Variants in SLC35D4 observed in about 807,000 individuals in gnomAD.
SLC35D4 encodes the protein solute carrier family 35 member D4, also known as UDP-N-acetylglucosamine transporter SLC35D4.
the SLC35D4 span, among the ~76,000 whole-genome samples, chr18:23,254,872 T>C: frequency 1.3e-5 from 2 of 152,076 alleles, 1 homozygote; most frequent in South Asian, 4.1e-4. Flanking sequence ...CATACGAATT[T>C]GGGGGGACAC....
the SLC35D4 span, among the ~76,000 whole-genome samples, chr18:23,300,304 G>C: frequency 2.0e-5 from 3 of 152,154 alleles, no homozygotes; most frequent in Admixed American, 6.5e-5. Flanking sequence ...AAGTTCCCAG[G>C]CAATGCAGAG....
the SLC35D4 span, among the ~76,000 whole-genome samples, chr18:23,427,032 G>T: frequency 6.6e-6 from 1 of 152,186 alleles, no homozygotes; most frequent in Non-Finnish European, 1.5e-5. Context: ...ATGGATTAAA[G>T]ACTTAAATGT....
the SLC35D4 span, chr18:23,309,715 C>G: frequency 6.2e-7 from 1 of 1,614,182 alleles, no homozygotes; most frequent in East Asian, 2.2e-5. Flanking sequence ...TCGCATCAAA[C>G]AGCAATATTG....
the SLC35D4 span, among the ~76,000 whole-genome samples, chr18:23,345,021 G>A: frequency 6.6e-6 from 1 of 152,122 alleles, no homozygotes; most frequent in East Asian, 1.9e-4. Flanking sequence ...CCAAACCCAA[G>A]GCCATTAAGG....
At chr18:23,361,122 A>AAAAG in the SLC35D4 span, among the ~76,000 whole-genome samples, 2 of 143,976 alleles carry the variant, frequency 1.4e-5, no homozygotes, top group African/African-American at 5.1e-5. Context: ...AAAAAAAAAA[A>AAAAG]AAAGAAAAAG....
the SLC35D4 span, chr18:23,257,082 C>A: frequency 2.3e-6 from 2 of 862,146 alleles, no homozygotes; most frequent in Non-Finnish European, 3.5e-6. Flanking sequence ...ACAGCCTGTG[C>A]CTCCCTTTCT....
At chr18:23,250,855 G>A in the SLC35D4 span, among the ~76,000 whole-genome samples, 3 of 152,262 alleles carry the variant, frequency 2.0e-5, no homozygotes, top group Non-Finnish European at 4.4e-5. Flanking sequence ...AATTGTTGGA[G>A]TTAATATTGC....
chr18:23,368,582 G>T, the SLC35D4 span: 2 of 618,426 alleles, frequency 3.2e-6, no homozygotes, highest in Non-Finnish European at 5.5e-6. Context: ...CCTCAACTCT[G>T]TCATCTCACA....
the SLC35D4 span, among the ~76,000 whole-genome samples, chr18:23,275,588 G>A: frequency 2.0e-4 from 30 of 147,696 alleles, no homozygotes; most frequent in African/African-American, 7.2e-4. Context: ...AGCTGGGTCA[G>A]AAAGAGTGCT....
chr18:23,315,013 T>C, the SLC35D4 span, among the ~76,000 whole-genome samples: 1 of 152,092 alleles, frequency 6.6e-6, no homozygotes, highest in African/African-American at 2.4e-5. Flanking sequence ...AAGGGGAAAA[T>C]GGTGGTGGTG....
the SLC35D4 span, among the ~76,000 whole-genome samples, chr18:23,261,524 G>T: frequency 6.6e-6 from 1 of 151,974 alleles, no homozygotes; most frequent in African/African-American, 2.4e-5. Context: ...TTGGGAGGCT[G>T]AGGTGGGAGA....
chr18:23,297,975 C>T, the SLC35D4 span: 8 of 1,611,288 alleles, frequency 5.0e-6, no homozygotes, highest in Middle Eastern at 4.9e-4. Flanking sequence ...TCTCCCGCAG[C>T]AGCCTGTGAG....
the SLC35D4 span, among the ~76,000 whole-genome samples, chr18:23,248,512 CTTTTT>C: frequency 3.9e-4 from 35 of 90,724 alleles, no homozygotes; most frequent in African/African-American, 5.6e-4. Context: ...GACCCTATGT[CTTTTT>C]TTTTTTTTTT....
the SLC35D4 span, among the ~76,000 whole-genome samples, chr18:23,424,149 GAA>G: frequency 0.039 from 5,907 of 152,284 alleles, 144 homozygotes; most frequent in African/African-American, 0.073. Flanking sequence ...GATGGATGAA[GAA>G]AGTGGACAGA....
the SLC35D4 span, among the ~76,000 whole-genome samples, chr18:23,374,352 A>G: frequency 6.6e-5 from 10 of 152,208 alleles, no homozygotes; most frequent in Non-Finnish European, 1.2e-4. Flanking sequence ...ACGAGGAAAC[A>G]CTGAGACAAA....
chr18:23,279,012 CA>C, the SLC35D4 span, among the ~76,000 whole-genome samples: 6,175 of 95,972 alleles, frequency 0.064, 189 homozygotes, highest in East Asian at 0.13. Context: ...GACCCCATCT[CA>C]AAAAAAAAAA....
chr18:23,403,643 G>A, the SLC35D4 span, among the ~76,000 whole-genome samples: 1 of 152,308 alleles, frequency 6.6e-6, no homozygotes, highest in African/African-American at 2.4e-5. Flanking sequence ...GTTGGAACAG[G>A]GTTAGGGGTG....
the SLC35D4 span, chr18:23,421,549 C>A: frequency 1.1e-6 from 1 of 901,814 alleles, no homozygotes; most frequent in Non-Finnish European, 1.8e-6. Flanking sequence ...AAGTTCAACT[C>A]TATTTACTAC....
At chr18:23,325,502 G>T in the SLC35D4 span, among the ~76,000 whole-genome samples, 1 of 152,158 alleles carries the variant, frequency 6.6e-6, no homozygotes, top group Non-Finnish European at 1.5e-5. Context: ...GAAGGTGCGT[G>T]ATCAGTTGCA....
Sources: gnomAD v4.1 joint callset for allele counts (sites outside exome capture counted in the v4.1 genomes callset) on GRCh38, gnomAD v4.1.1 for gene constraint, MANE v1.5 for transcripts, NCBI Gene and HGNC (gene_info 2026-07-23, HGNC 2026-07-21) for gene names.